Variants in GRIA1 observed in about 807,000 individuals in gnomAD.
GRIA1 encodes the protein glutamate ionotropic receptor AMPA type subunit 1, also known as glutamate receptor 1.
In GRIA1, 31 loss-of-function variants were observed where a neutral mutation model predicts 99.2. The ratio of observed to expected loss-of-function variants is 0.31; its 90% confidence interval spans 0.23 to 0.42. GRIA1 has a LOEUF of 0.42. GRIA1 is among the 10% of genes least tolerant of loss of function. The probability of loss-of-function intolerance (pLI) is 1.00; values close to 1 mark genes in which losing one functional copy is unlikely to be tolerated. For missense variants in GRIA1, 782 were observed against 1,157.5 expected (o/e 0.68, Z 4.71); for synonymous variants, 438 against 432.4 (o/e 1.01, Z -0.16).
At chr5:153,576,926 TTGGATGGA>T (rs574916178) in intron 2 of GRIA1, among the ~76,000 whole-genome samples, 60,236 of 129,186 alleles carry the variant, frequency 0.47, 14,524 homozygotes, top group Non-Finnish European at 0.53. Flanking sequence ...TCAATAAATA[TTGGATGGA>T]TGGATGGATG....
chr5:153,657,272 A>T (rs1449500278), intron 5 of GRIA1, among the ~76,000 whole-genome samples: 1 of 152,226 alleles, frequency 6.6e-6, no homozygotes, highest in African/African-American at 2.4e-5. Flanking sequence ...ATTATTTTCC[A>T]AAGTGGCTGC....
At chr5:153,561,379 A>C (rs1378590747) in intron 2 of GRIA1, among the ~76,000 whole-genome samples, 3 of 152,192 alleles carry the variant, frequency 2.0e-5, no homozygotes, top group African/African-American at 7.2e-5. Flanking sequence ...AGAGGAGGAC[A>C]GTTCATGACA....
At chr5:153,702,937 G>T (rs1758634207) in intron 10 of GRIA1, among the ~76,000 whole-genome samples, 1 of 152,142 alleles carries the variant, frequency 6.6e-6, no homozygotes, top group Non-Finnish European at 1.5e-5. Context: ...CATCCAAAAA[G>T]ACAACTGTTT....
chr5:153,572,466 C>T (rs1762194706), intron 2 of GRIA1, among the ~76,000 whole-genome samples: 1 of 152,184 alleles, frequency 6.6e-6, no homozygotes, highest in Admixed American at 6.5e-5. Context: ...AAGTTTTTCT[C>T]TTCTGCCCAG....
intron 8 of GRIA1, among the ~76,000 whole-genome samples, chr5:153,691,117 G>A (rs1035359877): frequency 1.3e-5 from 2 of 152,138 alleles, no homozygotes; most frequent in Admixed American, 1.3e-4. Context: ...TGAAATGTGG[G>A]TGTTCTAAGC....
At chr5:153,634,029 A>G (rs114446557) in intron 2 of GRIA1, among the ~76,000 whole-genome samples, 169 of 152,286 alleles carry the variant, frequency 1.1e-3, no homozygotes, top group Non-Finnish European at 1.1e-3. Flanking sequence ...GAGAATAAAG[A>G]GTAGGGACCG....
intron 11 of GRIA1, among the ~76,000 whole-genome samples, chr5:153,722,897 A>G (rs1760182123): frequency 6.6e-6 from 1 of 152,180 alleles, no homozygotes; most frequent in Non-Finnish European, 1.5e-5. Context: ...TCTGGAAGAA[A>G]TCAATAACAG....
rs552452452 is a variant in GRIA1, at chr5:153,670,712, T to C, written c.700-3788T>C. 2.6e-4 allele frequency among the ~76,000 whole-genome samples: 39 copies of C among 152,242 alleles called. No homozygotes were observed. In the South Asian group the frequency reaches 4.6e-3, roughly 18 times the overall value. On this transcript the variant is annotated intron_variant, in intron 5 of 15. Coordinates refer to ENST00000285900, the MANE Select transcript of GRIA1 (RefSeq NM_000827.4). ...AATGGCAAAGAAAATTAGAAAATTA[T>C]TTAATTAAACCTTATTTAATGAGAG...
chr5:153,647,730 A>G (rs1294013313), intron 3 of GRIA1, among the ~76,000 whole-genome samples: 1 of 152,198 alleles, frequency 6.6e-6, no homozygotes, highest in African/African-American at 2.4e-5. Flanking sequence ...CCTCCTCATC[A>G]TAATCTTCAT....
chr5:153,750,253 G>C (rs915832542), intron 11 of GRIA1, among the ~76,000 whole-genome samples: 14 of 152,292 alleles, frequency 9.2e-5, no homozygotes, highest in African/African-American at 2.2e-4. Context: ...GCTCAGCTCA[G>C]TAATTAGTCA....
chr5:153,627,615 G>A (rs1581361029), intron 2 of GRIA1, among the ~76,000 whole-genome samples: 1 of 152,310 alleles, frequency 6.6e-6, no homozygotes, highest in South Asian at 2.1e-4. Flanking sequence ...GAATTCTAAT[G>A]AGGTAAAAGT....
intron 2 of GRIA1, among the ~76,000 whole-genome samples, chr5:153,592,776 T>G (rs571082727): frequency 3.3e-5 from 5 of 152,316 alleles, no homozygotes; most frequent in Admixed American, 2.6e-4. Flanking sequence ...TGTTTATTTC[T>G]CAGTTCTGGA....
At chr5:153,702,926 A>G (rs549240374) in intron 10 of GRIA1, among the ~76,000 whole-genome samples, 1 of 152,348 alleles carries the variant, frequency 6.6e-6, no homozygotes, top group South Asian at 2.1e-4. Flanking sequence ...GAGGAAATTG[A>G]CATCCAAAAA....
chr5:153,497,001 A>G (rs2113210744), intron 2 of GRIA1, among the ~76,000 whole-genome samples: 1 of 152,198 alleles, frequency 6.6e-6, no homozygotes, highest in South Asian at 2.1e-4. Context: ...GGACCTGTTC[A>G]TGCTAGACAT....
chr5:153,584,442 T>A (rs1383992823), intron 2 of GRIA1, among the ~76,000 whole-genome samples: 2 of 152,224 alleles, frequency 1.3e-5, no homozygotes, highest in Non-Finnish European at 2.9e-5. Context: ...CCTCCCATTG[T>A]GTTTTTATGC....
intron 2 of GRIA1, among the ~76,000 whole-genome samples, chr5:153,517,497 A>T (rs1365942556): frequency 1.3e-5 from 2 of 152,124 alleles, no homozygotes; most frequent in African/African-American, 2.4e-5. Context: ...AAAGGGAGGG[A>T]TCAAATTAAG....
At chr5:153,767,663 TACTCCAGTCTCTGAA>T (rs67708322) in intron 12 of GRIA1, among the ~76,000 whole-genome samples, 13,004 of 152,164 alleles carry the variant, frequency 0.085, 749 homozygotes, top group Non-Finnish European at 0.12. Context: ...AGAATTCTTC[TACTCCAGTCTCTGAA>T]AAAGCTGGCT....
At chr5:153,668,162 A>C (rs1230351904) in intron 5 of GRIA1, among the ~76,000 whole-genome samples, 1 of 150,996 alleles carries the variant, frequency 6.6e-6, no homozygotes, top group Non-Finnish European at 1.5e-5. Flanking sequence ...CCTACAGTGG[A>C]TATAGAGAGG....
intron 2 of GRIA1, among the ~76,000 whole-genome samples, chr5:153,636,141 GA>G (rs1394003636): frequency 6.6e-6 from 1 of 152,126 alleles, no homozygotes; most frequent in African/African-American, 2.4e-5. Flanking sequence ...ACCACAAGTG[GA>G]AAAGGAATAC....
Sources: allele counts gnomAD v4.1 joint callset (sites outside exome capture counted in the v4.1 genomes callset), GRCh38; gene constraint gnomAD v4.1.1; transcripts MANE v1.5; gene names NCBI Gene and HGNC (gene_info 2026-07-23, HGNC 2026-07-21).